SPATA17: variants seen among roughly 807,000 people sequenced by gnomAD.
The protein encoded by SPATA17 is spermatogenesis associated 17, also known as spermatogenesis-associated protein 17.
A neutral mutation model predicts 62.2 loss-of-function variants in SPATA17; 53 were observed. That is an observed-to-expected ratio of 0.85 (90% confidence interval 0.68 to 1.07). SPATA17 has a LOEUF of 1.07. Among genes scored for constraint, SPATA17 ranks in the 50% least tolerant of loss-of-function variants. The pLI is 0.00. For synonymous variants in SPATA17, 146 were observed against 146.8 expected (o/e 0.99, Z 0.04); for missense variants, 466 against 425.5 (o/e 1.10, Z -0.84).
At chr1:217,724,690 A>G (rs1672221617) in intron 5 of SPATA17, among the ~76,000 whole-genome samples, 1 of 152,168 alleles carries the variant, frequency 6.6e-6, no homozygotes, top group Non-Finnish European at 1.5e-5. Context: ...CTGTTTCTTT[A>G]TACTTTTGTT....
At chr1:217,822,716 A>G (rs1674897601) in intron 9 of SPATA17, among the ~76,000 whole-genome samples, 1 of 149,628 alleles carries the variant, frequency 6.7e-6, no homozygotes, top group Admixed American at 6.7e-5. Context: ...TACTTTTATT[A>G]GAACTATTTT....
At chr1:217,761,200 T>G (rs764329031) in intron 6 of SPATA17, among the ~76,000 whole-genome samples, 7 of 152,258 alleles carry the variant, frequency 4.6e-5, no homozygotes, top group Non-Finnish European at 1.0e-4. Context: ...TTGGCCTTTG[T>G]GACATTATGG....
chr1:217,817,324 C>T (rs1393022520), intron 9 of SPATA17, among the ~76,000 whole-genome samples: 1 of 152,026 alleles, frequency 6.6e-6, no homozygotes, highest in African/African-American at 2.4e-5. Flanking sequence ...CAGTTTCCCC[C>T]ATGCTATTCT....
intron 9 of SPATA17, among the ~76,000 whole-genome samples, chr1:217,848,274 T>C (rs1389212789): frequency 1.3e-5 from 2 of 152,152 alleles, no homozygotes; most frequent in Non-Finnish European, 2.9e-5. Context: ...GCCACCACTT[T>C]CAGCTCTTTC....
At chr1:217,808,752 G>A (rs1054752790) in intron 9 of SPATA17, among the ~76,000 whole-genome samples, 49 of 152,154 alleles carry the variant, frequency 3.2e-4, no homozygotes, top group African/African-American at 1.2e-3. Context: ...CTACTTGGGA[G>A]GCTGAGGCAG....
At chr1:217,769,279 T>C (rs1673380623) in intron 6 of SPATA17, among the ~76,000 whole-genome samples, 1 of 152,226 alleles carries the variant, frequency 6.6e-6, no homozygotes, top group African/African-American at 2.4e-5. Context: ...AGAATGAAGA[T>C]GGTATAGCAC....
chr1:217,689,687 C>T (rs1671302434), intron 5 of SPATA17, among the ~76,000 whole-genome samples: 1 of 152,134 alleles, frequency 6.6e-6, no homozygotes, highest in African/African-American at 2.4e-5. Flanking sequence ...AGTGCACCTT[C>T]CCTTTCAATA....
chr1:217,731,414 T>C (rs953407454), intron 5 of SPATA17, among the ~76,000 whole-genome samples: 1 of 152,288 alleles, frequency 6.6e-6, no homozygotes, highest in East Asian at 1.9e-4. Context: ...CCCAAACCTC[T>C]TCCTCTTTCT....
At chr1:217,760,507 T>C (rs904997569) in intron 6 of SPATA17, among the ~76,000 whole-genome samples, 1 of 152,144 alleles carries the variant, frequency 6.6e-6, no homozygotes, top group African/African-American at 2.4e-5. Flanking sequence ...TCTGAAAATC[T>C]TTAACATCTG....
chr1:217,781,201 G>C (rs538642229), intron 7 of SPATA17: 1 of 152,202 alleles, frequency 6.6e-6, no homozygotes, highest in African/African-American at 2.4e-5. Context: ...ACATAAATGA[G>C]GCGTGAATCA....
chr1:217,736,477 G>A (rs35544080), intron 5 of SPATA17, among the ~76,000 whole-genome samples: 97 of 152,278 alleles, frequency 6.4e-4, no homozygotes, highest in Non-Finnish European at 1.2e-3. Flanking sequence ...ACATTATGAT[G>A]TTTATGAGTG....
At chr1:217,742,134 A>C (rs754691539) in intron 6 of SPATA17, 36 bp downstream of exon 6, 2 of 1,611,040 alleles carry the variant, frequency 1.2e-6, no homozygotes, top group Non-Finnish European at 1.7e-6. Context: ...CCTGTAAGCC[A>C]CTTGGGCCCC....
At chr1:217,652,509 C>T (rs557029004) in intron 3 of SPATA17, among the ~76,000 whole-genome samples, 1 of 152,138 alleles carries the variant, frequency 6.6e-6, no homozygotes, top group Non-Finnish European at 1.5e-5. Context: ...GCTGGGATTA[C>T]AGGTGTGAGC....
intron 9 of SPATA17, among the ~76,000 whole-genome samples, chr1:217,808,379 ACACCCC>A (rs746299462): frequency 0.021 from 1,055 of 50,308 alleles, 8 homozygotes; most frequent in Non-Finnish European, 0.041. Context: ...ACACACACAC[ACACCCC>A]CCTCAGAATT....
At position 217,867,296 on chromosome 1, in the gene SPATA17, C is replaced by G. The variant is rs1283485740; in HGVS notation, c.*277C>G. 2.0e-5 allele frequency: 3 copies of G among 152,250 alleles called. No individual in the cohort carries two copies. Among genetic ancestry groups the G allele is most frequent in the Non-Finnish European group, 2.9e-5 (2 of 68,018 alleles). 9.4% of individuals were successfully genotyped at this position (152,250 alleles called of 1,614,324 possible). On this transcript the variant is annotated 3_prime_UTR_variant, in exon 11 of 11. Transcript: ENST00000366933. Reference sequence around the variant, plus strand: ...ACCAACAGTGCCATAAATGGTTCCCCTGAAATACCCATATTCTGACCCCAT... The same window carrying G: ...ACCAACAGTGCCATAAATGGTTCCCGTGAAATACCCATATTCTGACCCCAT...
chr1:217,688,564 C>T (rs1381869092), intron 5 of SPATA17, among the ~76,000 whole-genome samples: 3 of 152,204 alleles, frequency 2.0e-5, no homozygotes, highest in African/African-American at 7.2e-5. Flanking sequence ...GCCCCATCTT[C>T]AAATGCTCAC....
intron 1 of SPATA17, among the ~76,000 whole-genome samples, chr1:217,636,176 T>C (rs1157319953): frequency 1.4e-5 from 2 of 144,786 alleles, no homozygotes; most frequent in Non-Finnish European, 3.0e-5. Flanking sequence ...AGGAGTGACA[T>C]GATGTGACTT....
chr1:217,674,374 T>C (rs1455755735), intron 4 of SPATA17, among the ~76,000 whole-genome samples: 1 of 152,178 alleles, frequency 6.6e-6, no homozygotes, highest in Non-Finnish European at 1.5e-5. Context: ...ATGCAGGATT[T>C]TTCTTGGTCG....
chr1:217,734,583 A>G (rs567579258), intron 5 of SPATA17, among the ~76,000 whole-genome samples: 3 of 152,304 alleles, frequency 2.0e-5, no homozygotes, highest in Non-Finnish European at 2.9e-5. Flanking sequence ...GGACAGTAAA[A>G]AGTTGTTTAA....
Sources: gnomAD v4.1 joint callset for allele counts (sites outside exome capture counted in the v4.1 genomes callset) on GRCh38, gnomAD v4.1.1 for gene constraint, MANE v1.5 for transcripts, NCBI Gene and HGNC (gene_info 2026-07-23, HGNC 2026-07-21) for gene names.